PAK2: variants seen among roughly 807,000 people sequenced by gnomAD.
PAK2 encodes serine/threonine-protein kinase PAK 2.
Under a neutral mutation model 65.9 loss-of-function variants are expected in PAK2, and 21 were observed. The ratio of observed to expected loss-of-function variants is 0.32; its 90% CI spans 0.23 to 0.46. PAK2 has a LOEUF of 0.46. PAK2 is among the 20% of genes least tolerant of loss of function. The probability of loss-of-function intolerance (pLI) is 1.00; values close to 1 mark genes in which losing one functional copy is unlikely to be tolerated. For missense variants in PAK2, 324 were observed against 642.6 expected, an observed-to-expected ratio of 0.50 and a Z score of 5.36; for synonymous variants, 204 against 219.7, an observed-to-expected ratio of 0.93 and a Z score of 0.63.
At position 196,820,700 on chromosome 3, in the gene PAK2, G is replaced by A; in HGVS notation, c.1350+133G>A. The A allele has an allele frequency of 2.2e-6, 1 of 460,022 alleles. No homozygotes were observed. Among genetic ancestry groups the A allele is most frequent in the Non-Finnish European group, 3.8e-6 (1 of 260,466 alleles). 28.5% of individuals were successfully genotyped at this position (460,022 alleles called of 1,614,324 possible). On this transcript the variant is annotated intron_variant, in intron 13 of 14. Coordinates refer to ENST00000327134, the MANE Select transcript of PAK2 (RefSeq NM_002577.4). This position sits in a 1 kb window ranked among gnomAD's most constrained non-coding sequence, Gnocchi z 4.6. The stretch of plus-strand genomic sequence containing the variant: ...AAACCTAATCTCTGCCCCTAACTCT[G>A]CATCTAGAAATCATTTGCTCTCTGA...
chr3:196,751,641 T>TC, intron 1 of PAK2, among the ~76,000 whole-genome samples: 1 of 109,352 alleles, frequency 9.1e-6, no homozygotes, highest in Non-Finnish European at 1.8e-5. Flanking sequence ...AGCAAGACTG[T>TC]CCCCCCAAAA....
At position 196,766,633 on chromosome 3, in the gene PAK2, C is replaced by T. The variant is rs187548856; in HGVS notation, c.-21-15993C>T. The stretch of plus-strand genomic sequence containing the variant: ...TGATTTTATATAATTTACGGAGTTC[C>T]AAAAGCGAATATACCAAAAATATAT... On this transcript the variant is annotated intron_variant, in intron 1 of 14. Coordinates refer to ENST00000327134, the MANE Select transcript of PAK2 (RefSeq NM_002577.4). Among the ~76,000 whole-genome samples, 130 of 152,000 alleles carry T rather than the reference C, an allele frequency of 8.6e-4. 1 individual carries two copies. The highest frequency in any genetic ancestry group is 4.7e-4 in the Non-Finnish European group (32 of 67,996).
At chr3:196,802,304 G>A (rs1467685383) in intron 3 of PAK2, among the ~76,000 whole-genome samples, 1 of 152,116 alleles carries the variant, frequency 6.6e-6, no homozygotes, top group East Asian at 1.9e-4. Context: ...AGGAGGCTGA[G>A]GCAGGGGAAT....
chr3:196,746,076 C>T (rs944607395), intron 1 of PAK2, among the ~76,000 whole-genome samples: 1 of 151,962 alleles, frequency 6.6e-6, no homozygotes, highest in Non-Finnish European at 1.5e-5. Flanking sequence ...ATCCGCCTGC[C>T]TCAGCCTCCC....
At position 196,807,367 on chromosome 3, in the gene PAK2, G is replaced by T. The variant is rs76613558; in HGVS notation, c.577-415G>T. On this transcript the variant is annotated intron_variant, in intron 6 of 14. Coordinates refer to ENST00000327134, the MANE Select transcript of PAK2 (RefSeq NM_002577.4). Reference sequence around the variant, plus strand: ...TCTGGCTGTTTGAAATGGGTGGTAGGCATTATAATTGTGTAAAAACTTTCA... The same window carrying T: ...TCTGGCTGTTTGAAATGGGTGGTAGTCATTATAATTGTGTAAAAACTTTCA... Among the ~76,000 whole-genome samples, 631 of 152,178 alleles carry T rather than the reference G, an allele frequency of 4.1e-3. 2 individuals carry two copies. The highest frequency in any genetic ancestry group is 0.015 in the African/African-American group (616 of 41,526).
intron 1 of PAK2, among the ~76,000 whole-genome samples, chr3:196,756,482 A>G (rs1472144383): frequency 6.6e-6 from 1 of 152,166 alleles, no homozygotes; most frequent in Non-Finnish European, 1.5e-5. Context: ...CCAAACTGAG[A>G]CTTAACTCTT....
chr3:196,753,998 G>T (rs1310706095), intron 1 of PAK2, among the ~76,000 whole-genome samples: 1 of 152,116 alleles, frequency 6.6e-6, no homozygotes, highest in African/African-American at 2.4e-5. Context: ...TGTCCCCTAT[G>T]TGAACTGCTC....
Position 196,830,930 on chromosome 3 carries a change from A to C in PAK2, c.*2525A>C, listed in dbSNP as rs1264375011. ...GATACAGAGTCTCACTCTGTCACTC[A>C]GGCTGGAGTGCAGTGACATGATCTC... On this transcript the variant is annotated 3_prime_UTR_variant, in exon 15 of 15. Coordinates refer to ENST00000327134, the MANE Select transcript of PAK2 (RefSeq NM_002577.4). 6.6e-6 allele frequency: 1 copy of C among 152,178 alleles called. No individual in the cohort carries two copies. The highest frequency in any genetic ancestry group is 1.5e-5 in the Non-Finnish European group (1 of 68,020). 9.4% of individuals were successfully genotyped at this position (152,178 alleles called of 1,614,324 possible). A position where few individuals can be genotyped will look rare whatever the true frequency, so the allele number is the denominator to read the frequency against.
intron 1 of PAK2, among the ~76,000 whole-genome samples, chr3:196,768,606 C>T (rs1714259522): frequency 6.6e-6 from 1 of 151,940 alleles, no homozygotes; most frequent in Non-Finnish European, 1.5e-5. Context: ...CTTCCTGCCT[C>T]AGCCTCCCAA....
At chr3:196,825,479 T>C (rs1711826112) in intron 13 of PAK2, among the ~76,000 whole-genome samples, 1 of 150,526 alleles carries the variant, frequency 6.6e-6, no homozygotes, top group Admixed American at 6.6e-5. Flanking sequence ...CCGTCTCTAC[T>C]GAAAATACAA....
At chr3:196,741,521 T>C (rs1402186610) in intron 1 of PAK2, among the ~76,000 whole-genome samples, 1 of 152,210 alleles carries the variant, frequency 6.6e-6, no homozygotes, top group African/African-American at 2.4e-5. Flanking sequence ...AGCTACTTAT[T>C]AGCCAAGCAC....
chr3:196,813,973 T>G (rs766973893), intron 10 of PAK2, among the ~76,000 whole-genome samples: 1 of 152,018 alleles, frequency 6.6e-6, no homozygotes, highest in African/African-American at 2.4e-5. Context: ...AAAATAAACT[T>G]TTCAGGTACA....
Position 196,806,610 on chromosome 3 carries a change from T to C in PAK2, c.500T>C (p.Val167Ala). Residue 167 changes from valine to alanine, a missense_variant, in exon 6 of 15, where the codon GTA becomes GCA. Val to Ala is a moderately conservative substitution (Grantham distance 64). Transcript: ENST00000327134. Reference protein sequence around the residue: ...LNAKGTEAPAVVTEEEDDDEE... With the variant: ...LNAKGTEAPAAVTEEEDDDEE... Reference sequence around the variant, plus strand: ...GCCAAGGGAACAGAAGCACCCGCAGTAGTGACAGAGGAGGAGGATGATGAT... The same window carrying C: ...GCCAAGGGAACAGAAGCACCCGCAGCAGTGACAGAGGAGGAGGATGATGAT... 6.2e-7 allele frequency: 1 copy of C among 1,612,974 alleles called. No individual in the cohort carries two copies. Among genetic ancestry groups the C allele is most frequent in the Non-Finnish European group, 8.5e-7 (1 of 1,179,064 alleles).
At chr3:196,750,753 G>GTT (rs63665262) in intron 1 of PAK2, among the ~76,000 whole-genome samples, 4,980 of 52,472 alleles carry the variant, frequency 0.095, 267 homozygotes, top group African/African-American at 0.21. Context: ...CTAAAATAAA[G>GTT]TTTAAAAAAA....
intron 2 of PAK2, among the ~76,000 whole-genome samples, chr3:196,801,320 G>A (rs1352155396): frequency 1.3e-5 from 2 of 152,074 alleles, no homozygotes; most frequent in Admixed American, 1.3e-4. Context: ...TGCCCGAAGG[G>A]GGTGTCTCTT....
At position 196,828,306 on chromosome 3, in the gene PAK2, TTC is replaced by T; in HGVS notation, c.1489-11_1489-10del. ...GGCACTTATACATTTATTTTTCCCC[TTC>T]TTTCTGGCAGCATCCTTTCCTGAAA... On this transcript the variant is annotated splice_polypyrimidine_tract_variant and intron_variant, in intron 14 of 14. Coordinates refer to ENST00000327134, the MANE Select transcript of PAK2 (RefSeq NM_002577.4). 6.5e-7 allele frequency: 1 copy of T among 1,544,234 alleles called. No individual in the cohort carries two copies. Among genetic ancestry groups the T allele is most frequent in the South Asian group, 1.1e-5 (1 of 88,318 alleles).
Position 196,749,829 on chromosome 3 carries a change from G to GT in PAK2, c.-22+9682dup, listed in dbSNP as rs77020093. 6.6e-3 allele frequency among the ~76,000 whole-genome samples: 992 copies of GT among 149,232 alleles called. 10 individuals are homozygous for GT. The highest frequency in any genetic ancestry group is 0.02 in the African/African-American group (820 of 40,504). ...AGGTAGTAGTGTTTCATTGTTTTCT[G>GT]TTTTTTTTTTGAGATAGAGTCTTGC... On this transcript the variant is annotated intron_variant, in intron 1 of 14. Coordinates refer to ENST00000327134, the MANE Select transcript of PAK2 (RefSeq NM_002577.4).
At chr3:196,803,289 A>C in intron 4 of PAK2, 125 bp downstream of exon 4, 1 of 741,370 alleles carries the variant, frequency 1.3e-6, no homozygotes, top group Non-Finnish European at 2.1e-6. Flanking sequence ...TTCCCTGGAT[A>C]GATTCTACCT....
At chr3:196,755,996 C>T (rs889153559) in intron 1 of PAK2, among the ~76,000 whole-genome samples, 8 of 152,080 alleles carry the variant, frequency 5.3e-5, no homozygotes, top group African/African-American at 1.4e-4. Flanking sequence ...CCTCATGATC[C>T]GTCTGCCTTG....
Sources: gnomAD v4.1 joint callset for allele counts (sites outside exome capture counted in the v4.1 genomes callset) on GRCh38, gnomAD v4.1.1 for gene constraint, Gnocchi (gnomAD v3.1) non-coding constraint, MANE v1.5 for transcripts, NCBI Gene and HGNC (gene_info 2026-07-23, HGNC 2026-07-21) for gene names.